ATP7A: variants seen among roughly 807,000 people sequenced by gnomAD.
ATP7A encodes copper-transporting ATPase 1.
In ATP7A, 7 loss-of-function variants were observed where a neutral mutation model predicts 83.5. The observed-to-expected ratio is 0.08, with a 90% CI of 0.05 to 0.16. The LOEUF is 0.16. Ranked by LOEUF, ATP7A falls within the 10% of genes least tolerant of loss-of-function variation. The pLI, the probability that ATP7A is intolerant of heterozygous loss-of-function variation, is 1.00. For synonymous variants in ATP7A, 354 were observed against 395.2 expected, an observed-to-expected ratio of 0.90 and a Z score of 1.24; for missense variants, 940 against 1,120.8, an observed-to-expected ratio of 0.84 and a Z score of 2.30.
At chrX:78,032,096 A>G (rs1370323106) in intron 16 of ATP7A, among the ~76,000 whole-genome samples, 1 of 112,459 alleles carries the variant, frequency 8.9e-6, no homozygotes, top group African/African-American at 3.2e-5. Flanking sequence ...AGCCACATAT[A>G]CGTATTTATC....
chrX:77,931,420 C>T (rs868929178), intron 1 of ATP7A, among the ~76,000 whole-genome samples: 45 of 112,169 alleles, frequency 4.0e-4, no homozygotes, highest in African/African-American at 1.2e-3. Flanking sequence ...CTTCTTTCTA[C>T]ACAGACACGG....
chrX:78,007,314 A>G (rs1488325696), intron 6 of ATP7A, among the ~76,000 whole-genome samples: 1 of 111,623 alleles, frequency 9.0e-6, no homozygotes, highest in African/African-American at 3.2e-5. Flanking sequence ...CTTTGGAGAA[A>G]CAATTCGAAT....
chrX:78,022,487 ATGTT>A (rs200949792), intron 14 of ATP7A, among the ~76,000 whole-genome samples: 11 of 82,943 alleles, frequency 1.3e-4, no homozygotes, highest in African/African-American at 2.1e-4. Flanking sequence ...GTACATGTGC[ATGTT>A]TGTTTGTTTG....
In ATP7A at chrX:78,035,260, GATCT is replaced by G. The variant is rs1229286695; in HGVS notation, c.3511+1448_3511+1451del. Among the ~76,000 whole-genome samples, 5 of 111,431 alleles carry G rather than the reference GATCT, an allele frequency of 4.5e-5. No individual in the cohort carries two copies. In the East Asian group the frequency reaches 1.1e-3, roughly 25 times the overall value. On this transcript the variant is annotated intron_variant, in intron 17 of 22. Transcript: ENST00000341514. ...AGTCCTGTTTCCTTGGCTCCATGCCGATCTATCTATCTGCCCCCAAAACATGATC... is the reference window on the plus strand; with the variant it reads ...AGTCCTGTTTCCTTGGCTCCATGCCGATCTATCTGCCCCCAAAACATGATC...
intron 2 of ATP7A, among the ~76,000 whole-genome samples, chrX:77,979,609 C>A (rs927659347): frequency 7.1e-5 from 8 of 112,196 alleles, no homozygotes; most frequent in African/African-American, 2.6e-4. Context: ...ATTTAGAAAT[C>A]AGATTTGGGG....
rs782744809 is a variant in ATP7A, at chrX:77,989,831, A to G, written c.1209A>G (p.Pro403=). The G allele has an allele frequency of 5.8e-6, 7 of 1,209,670 alleles. No homozygotes were observed. In the East Asian group the frequency reaches 1.2e-4, roughly 20 times the overall value. The change falls in exon 4 of 23, where the codon CCA becomes CCG. Residue 403 remains proline, a synonymous_variant. Coordinates refer to ENST00000341514, the MANE Select transcript of ATP7A (RefSeq NM_000052.7). ...TTGAGGGTGTCATATCAAAAAAGCC[A>G]GGTGTAAAATCCATACGAGTCTCCC... ...QSIEGVISKK[P]GVKSIRVSLA...
chrX:78,002,244 A>ATTTTTTTTT (rs781804302), intron 5 of ATP7A, among the ~76,000 whole-genome samples: 1 of 81,438 alleles, frequency 1.2e-5, no homozygotes, highest in Non-Finnish European at 2.5e-5. Flanking sequence ...TAATTTTTGT[A>ATTTTTTTTT]TTTTTTTTTT....
chrX:77,948,523 CTG>C (rs2077396603), intron 1 of ATP7A, among the ~76,000 whole-genome samples: 2 of 112,323 alleles, frequency 1.8e-5, no homozygotes, highest in Non-Finnish European at 3.8e-5. Flanking sequence ...TTGTATAAAA[CTG>C]TGTGTGAGGA....
chrX:78,003,270 T>C (rs782052358), intron 6 of ATP7A, 34 bp downstream of exon 6: 24 of 1,171,486 alleles, frequency 2.0e-5, no homozygotes, highest in Non-Finnish European at 2.8e-5. Context: ...TAATAAAACT[T>C]CCAGAAAAAA....
At chrX:77,951,620 C>T (rs782176547) in intron 1 of ATP7A, among the ~76,000 whole-genome samples, 2 of 108,157 alleles carry the variant, frequency 1.8e-5, no homozygotes, top group African/African-American at 3.4e-5. Flanking sequence ...CGCTCTGTCA[C>T]CCAGGCTGGA....
At chrX:77,953,456 C>T (rs2077424802) in intron 1 of ATP7A, among the ~76,000 whole-genome samples, 1 of 111,459 alleles carries the variant, frequency 9.0e-6, no homozygotes, top group African/African-American at 3.3e-5. Flanking sequence ...TAACACATAA[C>T]ATTGTTGAAA....
At chrX:78,001,877 T>G (rs1479103098) in intron 5 of ATP7A, among the ~76,000 whole-genome samples, 1 of 111,348 alleles carries the variant, frequency 9.0e-6, no homozygotes, top group Non-Finnish European at 1.9e-5. Context: ...TAAAATGAAC[T>G]CCTTTTTTTG....
intron 1 of ATP7A, among the ~76,000 whole-genome samples, chrX:77,955,627 A>G (rs1307290191): frequency 9.0e-6 from 1 of 111,394 alleles, no homozygotes; most frequent in Non-Finnish European, 1.9e-5. Flanking sequence ...CACCTCATAC[A>G]TTTATCAGTG....
chrX:78,038,929 T>C lies in ATP7A; in HGVS notation c.3605T>C (p.Phe1202Ser), dbSNP rs2078030949. 5.0e-6 allele frequency: 6 copies of C among 1,211,687 alleles called. No homozygotes were observed. Among genetic ancestry groups the C allele is most frequent in the Non-Finnish European group, 6.7e-6 (6 of 895,240 alleles). The change falls in exon 18 of 23, where the codon TTC becomes TCC. Residue 1202 changes from phenylalanine (F) to serine (S), a missense_variant. By Grantham distance (155) the Phe-to-Ser change is radical (BLOSUM62 -2). Around this residue, in one of 3 missense-constraint regions of ATP7A, gnomAD observed 386 missense variants for 502.2 expected, o/e 0.77. Coordinates refer to ENST00000341514, the MANE Select transcript of ATP7A (RefSeq NM_000052.7). ...GTCATTAATAACGATGTAAATGATTTCATGACTGAACATGAGAGAAAAGGT... is the reference window on the plus strand; with the variant it reads ...GTCATTAATAACGATGTAAATGATTCCATGACTGAACATGAGAGAAAAGGT... ...GLVINNDVND[F>S]MTEHERKGRT...
chrX:78,034,437 A>G (rs930510434), intron 17 of ATP7A, among the ~76,000 whole-genome samples: 7 of 111,533 alleles, frequency 6.3e-5, no homozygotes, highest in Non-Finnish European at 1.1e-4. Context: ...ATTCCCATAT[A>G]GATTCTGTCT....
intron 14 of ATP7A, among the ~76,000 whole-genome samples, chrX:78,028,401 C>T (rs2077961165): frequency 9.0e-6 from 1 of 111,684 alleles, no homozygotes. Context: ...GTTGGCCAGG[C>T]AGGTCTCGGA....
intron 4 of ATP7A, among the ~76,000 whole-genome samples, chrX:77,994,459 G>T (rs1202426462): frequency 1.8e-5 from 2 of 111,492 alleles, no homozygotes; most frequent in Middle Eastern, 4.2e-3. Flanking sequence ...CTAGTAAATG[G>T]AATTCAAGAG....
chrX:78,018,285 G>A (rs1358302922), intron 12 of ATP7A, among the ~76,000 whole-genome samples: 2 of 107,544 alleles, frequency 1.9e-5, no homozygotes, highest in Non-Finnish European at 3.8e-5. Flanking sequence ...CTGGTGGATC[G>A]CTTAAGGTCT....
At chrX:78,010,672 T>C (rs1434388102) in intron 7 of ATP7A, among the ~76,000 whole-genome samples, 4 of 94,907 alleles carry the variant, frequency 4.2e-5, no homozygotes, top group Admixed American at 1.3e-4. Context: ...CTCCGCCTCC[T>C]GGGTTCAAGC....
Sources: allele counts gnomAD v4.1 joint callset (sites outside exome capture counted in the v4.1 genomes callset), GRCh38; gene constraint gnomAD v4.1.1; regional missense constraint gnomAD v4.1.1; transcripts MANE v1.5; gene names NCBI Gene and HGNC (gene_info 2026-07-23, HGNC 2026-07-21).